The following FUT2 variants were observed in gnomAD, a reference collection of about 807,000 sequenced individuals.
FUT2 encodes fucosyltransferase 2 (H blood group).
For missense variants in FUT2, 419 were observed against 465.8 expected (o/e 0.90, Z 0.93); for synonymous variants, 182 against 193.1 (o/e 0.94, Z 0.48).
chr19:48,700,459 TG>T lies in FUT2; in HGVS notation c.-2-2493del, dbSNP rs553919835. Reference sequence around the variant, plus strand: ...CTCCTGCCTCAACCTCCTGAGTAGCTGGGACTATAGGCGCCCACCACCACAC... The same window carrying T: ...CTCCTGCCTCAACCTCCTGAGTAGCTGGACTATAGGCGCCCACCACCACAC... On this transcript the variant is annotated intron_variant, in intron 1 of 1. Transcript: ENST00000425340. 1.7e-4 allele frequency among the ~76,000 whole-genome samples: 26 copies of T among 151,960 alleles called. 2 individuals are homozygous for T. The South Asian group carries it at 5.5e-3, about 32-fold the overall frequency.
Position 48,703,845 on chromosome 19 carries a change from T to C in FUT2, c.889T>C (p.Tyr297His), listed in dbSNP as rs537571802. The C allele has an allele frequency of 3.2e-5, 51 of 1,613,630 alleles. 9 individuals carry two copies. The South Asian group carries it at 4.9e-4, about 15-fold the overall frequency. Reference protein sequence around the residue: ...TIGTFGIWAAYLTGGDTIYLA... With the variant: ...TIGTFGIWAAHLTGGDTIYLA... ...TGGGACGTTCGGGATCTGGGCCGCA[T>C]ACCTCACGGGCGGAGACACCATCTA... Residue 297 changes from tyrosine (Y) to histidine (H), a missense_variant, in exon 2 of 2, where the codon TAC becomes CAC. Coordinates refer to ENST00000425340, the MANE Select transcript of FUT2 (RefSeq NM_000511.6).
rs1477991946 is a variant in FUT2 at position 48,704,453 on chromosome 19, G to C, written c.*465G>C. 1.2e-5 allele frequency: 4 copies of C among 321,630 alleles called. No homozygotes were observed. The highest frequency in any genetic ancestry group is 9.0e-5 in the African/African-American group (4 of 44,690). 19.9% of individuals were successfully genotyped at this position (321,630 alleles called of 1,614,324 possible). A position where few individuals can be genotyped will look rare whatever the true frequency, so the allele number is the denominator to read the frequency against. On this transcript the variant is annotated 3_prime_UTR_variant, in exon 2 of 2. Coordinates refer to ENST00000425340, the MANE Select transcript of FUT2 (RefSeq NM_000511.6). ...AAAAAAAAAAAAAAGAAAAGAAAAA[G>C]AAATGAATGGGTTCAAAGACCATAA...
chr19:48,700,472 G>A lies in FUT2; in HGVS notation c.-2-2483G>A, dbSNP rs1370226094. ...CTCCTGAGTAGCTGGGACTATAGGC[G>A]CCCACCACCACACCCGGCTAATTTT... On this transcript the variant is annotated intron_variant, in intron 1 of 1. Coordinates refer to ENST00000425340, the MANE Select transcript of FUT2 (RefSeq NM_000511.6). Among the ~76,000 whole-genome samples the A allele has an allele frequency of 2.6e-5, 4 of 151,784 alleles. 1 individual carries two copies. The highest frequency in any genetic ancestry group is 2.1e-4 in the South Asian group (1 of 4,708).
chr19:48,700,389 C>T (rs909141949), intron 1 of FUT2, among the ~76,000 whole-genome samples: 2 of 151,188 alleles, frequency 1.3e-5, no homozygotes, highest in East Asian at 2.0e-4. Flanking sequence ...TGCAGTGGCG[C>T]GATCTCGGCT....
Position 48,703,589 on chromosome 19 carries a change from AGTGTGGAAGGGGGT to A in FUT2, c.635_648del (p.Val212GlyfsTer28). ...GGGACTATGTCCATGTCATGCCAAA[AGTGTGGAAGGGGGT>A]GGTGGCCGACCGGCGATACCTACAG... On this transcript the variant is annotated frameshift_variant, in exon 2 of 2. Coordinates refer to ENST00000425340, the MANE Select transcript of FUT2 (RefSeq NM_000511.6). LOFTEE classifies it low-confidence loss of function (END_TRUNC). 6.2e-7 allele frequency: 1 copy of A among 1,613,476 alleles called. No individual in the cohort carries two copies. Among genetic ancestry groups the A allele is most frequent in the Non-Finnish European group, 8.5e-7 (1 of 1,180,004 alleles).
intron 1 of FUT2, among the ~76,000 whole-genome samples, chr19:48,698,026 G>GTC (rs2032446972): frequency 7.3e-6 from 1 of 137,172 alleles, no homozygotes; most frequent in Non-Finnish European, 1.5e-5. Flanking sequence ...TTGAGACGGA[G>GTC]TCTCACTGTG....
intron 1 of FUT2, among the ~76,000 whole-genome samples, chr19:48,697,960 C>T (rs368565): frequency 0.5 from 73,727 of 147,542 alleles, 18,962 homozygotes; most frequent in East Asian, 0.86. Context: ...TACCAAAGTG[C>T]TGGGATTACA....
rs2032596222 is a variant in FUT2 at position 48,704,422 on chromosome 19, A to C, written c.*434A>C. On this transcript the variant is annotated 3_prime_UTR_variant, in exon 2 of 2. Coordinates refer to ENST00000425340, the MANE Select transcript of FUT2 (RefSeq NM_000511.6). Reference sequence around the variant, plus strand: ...GGGTGACACAGCAAGACTCCATCTCAAAAAAAAAAAAAAAAAAAAGAAAAG... The same window carrying C: ...GGGTGACACAGCAAGACTCCATCTCCAAAAAAAAAAAAAAAAAAAGAAAAG... The C allele has an allele frequency of 1.1e-5, 1 of 92,548 alleles. No individual in the cohort carries two copies. Among genetic ancestry groups the C allele is most frequent in the Non-Finnish European group, 2.0e-5 (1 of 48,798 alleles). 5.7% of individuals were successfully genotyped at this position (92,548 alleles called of 1,614,324 possible).
chr19:48,704,115 A>C lies in FUT2; in HGVS notation c.*127A>C, dbSNP rs1040389654. 1 of 942,736 alleles carries C rather than the reference A, an allele frequency of 1.1e-6. No homozygotes were observed. Among genetic ancestry groups the C allele is most frequent in the Non-Finnish European group, 1.7e-6 (1 of 589,850 alleles). The allele number at this position is 942,736 out of a possible 1,614,324, so 58.4% of individuals were successfully genotyped here. A position where few individuals can be genotyped will look rare whatever the true frequency, so the allele number is the denominator to read the frequency against. Reference sequence around the variant, plus strand: ...TTCTGTGAAGATGCGTTGGGCTGCAAGTAACAGAAATCTCAGTGAACAGTG... The same window carrying C: ...TTCTGTGAAGATGCGTTGGGCTGCACGTAACAGAAATCTCAGTGAACAGTG... On this transcript the variant is annotated 3_prime_UTR_variant, in exon 2 of 2. Transcript: ENST00000425340.
rs1050869476 is a variant in FUT2 at position 48,701,797 on chromosome 19, A to G, written c.-2-1158A>G. On this transcript the variant is annotated intron_variant, in intron 1 of 1. Coordinates refer to ENST00000425340, the MANE Select transcript of FUT2 (RefSeq NM_000511.6). Reference sequence around the variant, plus strand: ...ATCACGAGGTCAGGAGTTCGAGACTAGCCTGACCAACATGGTGAAACCCCG... The same window carrying G: ...ATCACGAGGTCAGGAGTTCGAGACTGGCCTGACCAACATGGTGAAACCCCG... Among the ~76,000 whole-genome samples the G allele has an allele frequency of 4.0e-5, 6 of 151,890 alleles. No individual in the cohort carries two copies. In the East Asian group the frequency reaches 1.2e-3, roughly 30 times the overall value.
At chr19:48,701,681 T>C (rs991155537) in intron 1 of FUT2, among the ~76,000 whole-genome samples, 1 of 151,542 alleles carries the variant, frequency 6.6e-6, no homozygotes, top group African/African-American at 2.4e-5. Flanking sequence ...CTCTGGCAAG[T>C]AGGAAAATAA....
chr19:48,700,479 A>G (rs2032494558), intron 1 of FUT2, among the ~76,000 whole-genome samples: 1 of 151,652 alleles, frequency 6.6e-6, no homozygotes, highest in Non-Finnish European at 1.5e-5. Flanking sequence ...GGCGCCCACC[A>G]CCACACCCGG....
chr19:48,700,837 G>A (rs2032504309), intron 1 of FUT2, among the ~76,000 whole-genome samples: 1 of 152,042 alleles, frequency 6.6e-6, no homozygotes, highest in Non-Finnish European at 1.5e-5. Flanking sequence ...ATAACCATGT[G>A]GCCCGATAGG....
chr19:48,697,345 CAAAAAAA>C (rs71179033), intron 1 of FUT2, among the ~76,000 whole-genome samples: 2,785 of 98,364 alleles, frequency 0.028, 106 homozygotes, highest in African/African-American at 0.1. Flanking sequence ...AACTCCGTCT[CAAAAAAA>C]AAAAAAAAAA....
intron 1 of FUT2, among the ~76,000 whole-genome samples, chr19:48,702,047 G>A (rs1266289846): frequency 6.6e-6 from 1 of 151,886 alleles, no homozygotes; most frequent in Non-Finnish European, 1.5e-5. Flanking sequence ...ACATATACTT[G>A]TACTCACCAT....
chr19:48,703,091 A>G lies in FUT2; in HGVS notation c.135A>G (p.Ile45Met), dbSNP rs750658856. Residue 45 changes from isoleucine to methionine, a missense_variant, in exon 2 of 2, where the codon ATA (isoleucine) becomes ATG (methionine). Transcript: ENST00000425340. ...IQAMWELPVQIPVLASTSKAL... is the reference protein window; with the variant it reads ...IQAMWELPVQMPVLASTSKAL... ...CCATGTGGGAGTTACCGGTGCAGAT[A>G]CCAGTGCTAGCCTCAACATCAAAGG... The G allele has an allele frequency of 6.2e-7, 1 of 1,613,328 alleles. No individual in the cohort carries two copies. Among genetic ancestry groups the G allele is most frequent in the Non-Finnish European group, 8.5e-7 (1 of 1,180,014 alleles).
chr19:48,702,584 G>A (rs575303476), intron 1 of FUT2, among the ~76,000 whole-genome samples: 33 of 151,742 alleles, frequency 2.2e-4, no homozygotes, highest in Non-Finnish European at 3.5e-4. Context: ...ACATGTACAC[G>A]ATATATCTCT....
At chr19:48,702,745 CACCT>C (rs1481282251) in intron 1 of FUT2, among the ~76,000 whole-genome samples, 1 of 152,032 alleles carries the variant, frequency 6.6e-6, no homozygotes, top group Non-Finnish European at 1.5e-5. Context: ...TACACACACC[CACCT>C]ATGAACACAA....
rs1240637107 is a variant in FUT2 at position 48,703,162 on chromosome 19, T to C, written c.206T>C (p.Ile69Thr). 6.2e-7 allele frequency: 1 copy of C among 1,613,370 alleles called. No individual in the cohort carries two copies. Among genetic ancestry groups the C allele is most frequent in the Admixed American group, 1.7e-5 (1 of 59,966 alleles). ...AGGGGGATGTGGACGATCAATGCAA[T>C]AGGCCGCCTGGGGAACCAGATGGGC... ...QLRGMWTINA[I>T]GRLGNQMGEY... is the part of the protein sequence containing the mutation. The change falls in exon 2 of 2, where the codon ATA (isoleucine) becomes ACA (threonine). Residue 69 changes from isoleucine to threonine, a missense_variant. Physicochemically the swap from Ile to Thr is moderately conservative, Grantham distance 89 (BLOSUM62 -1). Coordinates refer to ENST00000425340, the MANE Select transcript of FUT2 (RefSeq NM_000511.6).
Sources: gnomAD v4.1 joint callset for allele counts (sites outside exome capture counted in the v4.1 genomes callset) on GRCh38, gnomAD v4.1.1 for gene constraint, MANE v1.5 for transcripts, NCBI Gene and HGNC (gene_info 2026-07-23, HGNC 2026-07-21) for gene names.